The following LRP11 variants were observed in gnomAD, a reference collection of about 807,000 sequenced individuals.
The protein encoded by LRP11 is LDL receptor related protein 11.
Under a neutral mutation model 43.1 loss-of-function variants are expected in LRP11, and 25 were observed. That is an observed-to-expected ratio of 0.58 (90% CI 0.42 to 0.81). The LOEUF is 0.81. Ranked by LOEUF, LRP11 falls within the 30% of genes least tolerant of loss-of-function variation. LRP11 has a pLI of 0.00. For synonymous variants in LRP11, 316 were observed against 299.4 expected (o/e 1.06, Z -0.57); for missense variants, 623 against 665.1 (o/e 0.94, Z 0.70).
intron 2 of LRP11, among the ~76,000 whole-genome samples, chr6:149,848,862 A>C (rs2115403483): frequency 6.6e-6 from 1 of 152,358 alleles, no homozygotes; most frequent in South Asian, 2.1e-4. Flanking sequence ...ACAAACCTGC[A>C]CATGTACCCC....
chr6:149,842,881 TA>T, intron 3 of LRP11, 101 bp downstream of exon 3: 1 of 1,392,106 alleles, frequency 7.2e-7, no homozygotes. Context: ...TAACCAAAAA[TA>T]AAATGGAAGA....
intron 4 of LRP11, among the ~76,000 whole-genome samples, 172 bp from the exon 5 acceptor site, chr6:149,836,469 A>G (rs548265473): frequency 1.3e-5 from 2 of 152,324 alleles, no homozygotes; most frequent in East Asian, 3.9e-4. Flanking sequence ...TCAAATGGGT[A>G]ATCTGTTCTT....
At chr6:149,835,868 G>A (rs1776464213) in intron 5 of LRP11, among the ~76,000 whole-genome samples, 1 of 152,184 alleles carries the variant, frequency 6.6e-6, no homozygotes, top group Non-Finnish European at 1.5e-5. Flanking sequence ...ATGTATTAGT[G>A]TCTCTGGAGT....
At chr6:149,857,736 T>C (rs1045612475) in intron 1 of LRP11, among the ~76,000 whole-genome samples, 3 of 152,216 alleles carry the variant, frequency 2.0e-5, no homozygotes, top group African/African-American at 7.2e-5. Context: ...CCTAGGTTGA[T>C]AAACTGGCTC....
At chr6:149,845,735 T>A (rs1776622115) in intron 2 of LRP11, among the ~76,000 whole-genome samples, 1 of 151,642 alleles carries the variant, frequency 6.6e-6, no homozygotes, top group South Asian at 2.1e-4. Flanking sequence ...AATGTCTTAA[T>A]CTGATCAGAT....
intron 1 of LRP11, among the ~76,000 whole-genome samples, chr6:149,857,662 GT>G (rs1357698154): frequency 1.3e-5 from 2 of 152,136 alleles, no homozygotes; most frequent in African/African-American, 4.8e-5. Context: ...TAAAACCTAA[GT>G]TCAGTGCTTG....
intron 1 of LRP11, among the ~76,000 whole-genome samples, chr6:149,855,641 T>TA (rs1776786574): frequency 6.6e-6 from 1 of 151,438 alleles, no homozygotes; most frequent in South Asian, 2.1e-4. Context: ...CTGGGGCTCT[T>TA]AGAGATGCGG....
intron 2 of LRP11, among the ~76,000 whole-genome samples, 154 bp from the exon 3 acceptor site, chr6:149,843,278 C>G (rs1440714913): frequency 6.6e-6 from 1 of 152,360 alleles, no homozygotes; most frequent in African/African-American, 2.4e-5. Context: ...ACACTGTTGG[C>G]AGCTGGCCCA....
intron 3 of LRP11, among the ~76,000 whole-genome samples, chr6:149,840,552 C>T (rs967246067): frequency 2.6e-5 from 4 of 152,204 alleles, no homozygotes; most frequent in Non-Finnish European, 5.9e-5. Flanking sequence ...AAACAAGTGG[C>T]CGGTGAGGTG....
At chr6:149,829,222 T>C (rs1776376950) in intron 5 of LRP11, among the ~76,000 whole-genome samples, 1 of 152,128 alleles carries the variant, frequency 6.6e-6, no homozygotes, top group South Asian at 2.1e-4. Context: ...AATTTGGAAG[T>C]GGGAAGATCA....
At chr6:149,863,105 AAAAC>A (rs1015833406) in intron 1 of LRP11, among the ~76,000 whole-genome samples, 11 of 152,170 alleles carry the variant, frequency 7.2e-5, no homozygotes, top group African/African-American at 2.4e-4. Flanking sequence ...CCATGAGACT[AAAAC>A]AAACTTTTTT....
intron 3 of LRP11, chr6:149,842,562 C>G: frequency 7.5e-7 from 1 of 1,328,090 alleles, no homozygotes; most frequent in Non-Finnish European, 1.1e-6. Context: ...CCCAGTCCGT[C>G]CCCCGCACAG....
intron 1 of LRP11, among the ~76,000 whole-genome samples, chr6:149,860,506 C>G (rs1038863937): frequency 6.7e-6 from 1 of 149,642 alleles, no homozygotes; most frequent in African/African-American, 2.4e-5. Context: ...AGAACAGTAT[C>G]ATGTACATGC....
intron 3 of LRP11, among the ~76,000 whole-genome samples, chr6:149,839,616 G>C (rs937505358): frequency 6.6e-6 from 1 of 152,108 alleles, no homozygotes; most frequent in African/African-American, 2.4e-5. Flanking sequence ...CATGCATCCT[G>C]ATCAATAATA....
chr6:149,837,213 A>T, intron 4 of LRP11, 125 bp downstream of exon 4: 1 of 1,030,550 alleles, frequency 9.7e-7, no homozygotes, highest in Non-Finnish European at 1.4e-6. Flanking sequence ...TAGCTTTTAC[A>T]TGTAAAGTTA....
chr6:149,852,787 G>C (rs1776740628), intron 2 of LRP11, among the ~76,000 whole-genome samples: 1 of 152,144 alleles, frequency 6.6e-6, no homozygotes, highest in Non-Finnish European at 1.5e-5. Context: ...CTAGAAGGAG[G>C]GTAGGCTCCA....
intron 5 of LRP11, among the ~76,000 whole-genome samples, chr6:149,828,328 T>C (rs908266728): frequency 6.6e-6 from 1 of 152,282 alleles, no homozygotes; most frequent in East Asian, 1.9e-4. Flanking sequence ...TTTTATTATA[T>C]TTTTACTGCT....
chr6:149,860,858 A>C (rs1012257732), intron 1 of LRP11, among the ~76,000 whole-genome samples: 1 of 152,094 alleles, frequency 6.6e-6, no homozygotes, highest in Non-Finnish European at 1.5e-5. Context: ...ATGCTGTGTG[A>C]CCCTTGGGCA....
At chr6:149,855,712 TA>T (rs533657838) in intron 1 of LRP11, among the ~76,000 whole-genome samples, 9,320 of 122,538 alleles carry the variant, frequency 0.076, 838 homozygotes, top group African/African-American at 0.22. Context: ...TTTTTTTTTT[TA>T]AAAAAAAAAC....
Sources: allele counts gnomAD v4.1 joint callset (sites outside exome capture counted in the v4.1 genomes callset), GRCh38; gene constraint gnomAD v4.1.1; transcripts MANE v1.5; gene names NCBI Gene and HGNC (gene_info 2026-07-23, HGNC 2026-07-21).